PLXNA2: variants seen among roughly 807,000 people sequenced by gnomAD.
The protein encoded by PLXNA2 is plexin-A2.
A neutral mutation model predicts 193.5 loss-of-function variants in PLXNA2; 91 were observed. That is an observed-to-expected ratio of 0.47 (90% confidence interval 0.40 to 0.56). The LOEUF (loss-of-function observed/expected upper bound fraction) is 0.56, where lower values mean the gene tolerates loss of function less well. Ranked by LOEUF, PLXNA2 falls within the 20% of genes least tolerant of loss-of-function variation. PLXNA2 has a pLI of 0.00. For synonymous variants in PLXNA2, 997 were observed against 1,027.3 expected (o/e 0.97, Z 0.56); for missense variants, 1,995 against 2,503.2 (o/e 0.80, Z 4.33).
At chr1:208,033,630 G>A (rs1664578345) in intron 27 of PLXNA2, 121 bp from the exon 28 acceptor site, 1 of 726,152 alleles carries the variant, frequency 1.4e-6, no homozygotes, top group African/African-American at 1.8e-5. Flanking sequence ...TCAGCTGAAA[G>A]GGGACCGTTG....
In PLXNA2 at chr1:208,124,645, C is replaced by T. The variant is rs528369353; in HGVS notation, c.1506+17684G>A. ...AGTGAGCCAAGATCATGTGATTGCA[C>T]TCCAGCCTGGGCGACAACAGCAAAA... On this transcript the variant is annotated intron_variant, in intron 4 of 31. Coordinates refer to ENST00000367033, the MANE Select transcript of PLXNA2 (RefSeq NM_025179.4). 4.3e-4 allele frequency among the ~76,000 whole-genome samples: 60 copies of T among 140,444 alleles called. 1 individual carries two copies. Among genetic ancestry groups the T allele is most frequent in the Non-Finnish European group, 7.4e-4 (49 of 66,178 alleles). The allele number at this position is 140,444 out of a possible 152,430, so 92.1% of individuals were successfully genotyped here. A position where few individuals can be genotyped will look rare whatever the true frequency, so the allele number is the denominator to read the frequency against.
intron 1 of PLXNA2, among the ~76,000 whole-genome samples, chr1:208,220,472 G>A (rs184936861): frequency 1.1e-4 from 16 of 151,960 alleles, no homozygotes; most frequent in African/African-American, 3.4e-4. Flanking sequence ...TTGCTCTGTC[G>A]CCCAGGCTGG....
intron 1 of PLXNA2, among the ~76,000 whole-genome samples, chr1:208,226,347 GT>G (rs560570531): frequency 8.7e-5 from 13 of 149,170 alleles, no homozygotes; most frequent in African/African-American, 4.9e-5. Context: ...GATTTCTGTT[GT>G]TTTTTTTTTC....
At chr1:208,046,241 C>T in intron 17 of PLXNA2, 124 bp from the exon 18 acceptor site, 13 of 1,264,502 alleles carry the variant, frequency 1.0e-5, no homozygotes, top group African/African-American at 1.5e-5. Context: ...TGCTTGTCTC[C>T]ATTCCATGGG....
chr1:208,051,015 A>G lies in PLXNA2; in HGVS notation c.3249T>C (p.Ser1083=). ...CAGACCAACAGTTACTCACATTGAC[A>G]GATTCTTTGCCATTGAATTTGACTC... ...RIRVKFNGKE[S]VNVCKVVNTT... The change falls in exon 17 of 32, where the codon TCT becomes TCC. Residue 1083 remains serine (S), a synonymous_variant. Transcript: ENST00000367033. 2.5e-6 allele frequency: 4 copies of G among 1,611,522 alleles called. No individual in the cohort carries two copies. The South Asian group carries it at 4.4e-5, about 18-fold the overall frequency.
intron 3 of PLXNA2, among the ~76,000 whole-genome samples, chr1:208,193,576 A>C (rs577507622): frequency 6.6e-6 from 1 of 152,366 alleles, no homozygotes; most frequent in South Asian, 2.1e-4. Context: ...TATATAACTG[A>C]AACCAATGAA....
rs573254444 is a variant in PLXNA2, at chr1:208,059,962, C to G, written c.2738+724G>C. Among the ~76,000 whole-genome samples, 2 of 152,132 alleles carry G rather than the reference C, an allele frequency of 1.3e-5. 1 individual carries two copies. Among genetic ancestry groups the G allele is most frequent in the Admixed American group, 1.3e-4 (2 of 15,276 alleles). ...GCTCTTGCTCATGCTCCCAGTACCC[C>G]CTGCAGAGCTGTGTTCACAGTGGAA... On this transcript the variant is annotated intron_variant, in intron 13 of 31. Coordinates refer to ENST00000367033, the MANE Select transcript of PLXNA2 (RefSeq NM_025179.4).
rs901738935 is a variant in PLXNA2 at position 208,022,600 on chromosome 1, G to A, written c.*4643C>T. 1 of 152,626 alleles carries A rather than the reference G, an allele frequency of 6.6e-6. No homozygotes were observed. The highest frequency in any genetic ancestry group is 1.5e-5 in the Non-Finnish European group (1 of 68,044). The allele number at this position is 152,626 out of a possible 1,614,324, so 9.5% of individuals were successfully genotyped here. A position where few individuals can be genotyped will look rare whatever the true frequency, so the allele number is the denominator to read the frequency against. On this transcript the variant is annotated 3_prime_UTR_variant, in exon 32 of 32. Coordinates refer to ENST00000367033, the MANE Select transcript of PLXNA2 (RefSeq NM_025179.4). ...CCTAGTCTCATGGGATAGAGAGCTT[G>A]TCCCTTCTGCCCTTACACACGCAAG...
chr1:208,184,748 T>TACAC (rs371660120), intron 3 of PLXNA2, among the ~76,000 whole-genome samples: 35 of 149,656 alleles, frequency 2.3e-4, no homozygotes, highest in Middle Eastern at 6.9e-3. Flanking sequence ...TCACAAAGAG[T>TACAC]ACACACACAC....
chr1:208,106,929 C>T (rs1018771659), intron 4 of PLXNA2, among the ~76,000 whole-genome samples: 1 of 152,184 alleles, frequency 6.6e-6, no homozygotes, highest in African/African-American at 2.4e-5. Flanking sequence ...TAAGCAGACA[C>T]TGGAAAGCAG....
chr1:208,184,259 C>T (rs970479074), intron 3 of PLXNA2, among the ~76,000 whole-genome samples: 1 of 152,034 alleles, frequency 6.6e-6, no homozygotes, highest in Non-Finnish European at 1.5e-5. Flanking sequence ...TCTGCCAACC[C>T]GAAGGTTTTC....
At chr1:208,037,033 T>A (rs747396955) in intron 26 of PLXNA2, among the ~76,000 whole-genome samples, 1 of 152,154 alleles carries the variant, frequency 6.6e-6, no homozygotes, top group Non-Finnish European at 1.5e-5. Flanking sequence ...TATGAAATGG[T>A]GGTGTTTGGG....
intron 3 of PLXNA2, among the ~76,000 whole-genome samples, chr1:208,205,496 G>A (rs1417126687): frequency 6.6e-6 from 1 of 152,164 alleles, no homozygotes; most frequent in Non-Finnish European, 1.5e-5. Flanking sequence ...ACTAAGGGCA[G>A]GCTCAAAACC....
chr1:208,081,277 T>C (rs1666332843), intron 11 of PLXNA2, among the ~76,000 whole-genome samples: 1 of 152,204 alleles, frequency 6.6e-6, no homozygotes, highest in Non-Finnish European at 1.5e-5. Context: ...TAAGTAGCCT[T>C]GATTTTAATG....
chr1:208,111,862 A>C (rs912161335), intron 4 of PLXNA2, among the ~76,000 whole-genome samples: 1 of 152,158 alleles, frequency 6.6e-6, no homozygotes, highest in Non-Finnish European at 1.5e-5. Flanking sequence ...CAACACCATT[A>C]AGGAAAAAGA....
At chr1:208,171,179 G>A (rs1313790326) in intron 3 of PLXNA2, among the ~76,000 whole-genome samples, 1 of 152,198 alleles carries the variant, frequency 6.6e-6, no homozygotes, top group African/African-American at 2.4e-5. Context: ...TCAAAGAAGA[G>A]CAGTGTGGTG....
intron 4 of PLXNA2, among the ~76,000 whole-genome samples, chr1:208,133,325 C>T (rs1391534983): frequency 6.6e-6 from 1 of 152,148 alleles, no homozygotes; most frequent in African/African-American, 2.4e-5. Flanking sequence ...CATCATTGCG[C>T]TTCTCCAGAA....
At chr1:208,172,882 C>A (rs1010233652) in intron 3 of PLXNA2, among the ~76,000 whole-genome samples, 1 of 152,148 alleles carries the variant, frequency 6.6e-6, no homozygotes, top group Non-Finnish European at 1.5e-5. Context: ...CTTCTAGCAG[C>A]TCCCAGTGAA....
intron 1 of PLXNA2, among the ~76,000 whole-genome samples, chr1:208,231,198 G>A (rs2102637692): frequency 6.6e-6 from 1 of 152,258 alleles, no homozygotes; most frequent in Non-Finnish European, 1.5e-5. Flanking sequence ...TGCTGATGGG[G>A]AGCAGGGTGG....
Sources: allele counts gnomAD v4.1 joint callset (sites outside exome capture counted in the v4.1 genomes callset), GRCh38; gene constraint gnomAD v4.1.1; transcripts MANE v1.5; gene names NCBI Gene and HGNC (gene_info 2026-07-23, HGNC 2026-07-21).